The following FADS2 variants were observed in gnomAD, a reference collection of about 807,000 sequenced individuals.
The protein encoded by FADS2 is fatty acid desaturase 2.
FADS2 carries 18 observed loss-of-function variants against 61.2 expected under a neutral mutation model. The observed-to-expected ratio is 0.29, with a 90% confidence interval of 0.20 to 0.44. The LOEUF (loss-of-function observed/expected upper bound fraction) is 0.44. Ranked by LOEUF, FADS2 falls within the 20% of genes least tolerant of loss-of-function variation. FADS2 has a pLI of 1.00. For synonymous variants in FADS2, 203 were observed against 223.9 expected (o/e 0.91, Z 0.83); for missense variants, 322 against 572.7 (o/e 0.56, Z 4.47).
chr11:61,842,988 T>C (rs1326538222), intron 4 of FADS2, among the ~76,000 whole-genome samples: 1 of 152,226 alleles, frequency 6.6e-6, no homozygotes, highest in Non-Finnish European at 1.5e-5. Context: ...GCACTGCTAA[T>C]GGGATTTAAT....
intron 1 of FADS2, among the ~76,000 whole-genome samples, chr11:61,819,329 A>C (rs2067016026): frequency 6.6e-6 from 1 of 152,250 alleles, no homozygotes; most frequent in Non-Finnish European, 1.5e-5. Flanking sequence ...TAATCCTAGC[A>C]CTTTGGGAGG....
intron 5 of FADS2, among the ~76,000 whole-genome samples, chr11:61,853,728 CT>C (rs1470241810): frequency 1.3e-5 from 2 of 152,142 alleles, no homozygotes; most frequent in Non-Finnish European, 2.9e-5. Context: ...TCTCGGGGAC[CT>C]TGGACTGGGA....
chr11:61,863,359 G>A lies in FADS2; in HGVS notation c.1058G>A (p.Arg353His), dbSNP rs768828472. 2 of 1,613,386 alleles carry A rather than the reference G, an allele frequency of 1.2e-6. No homozygotes were observed. The highest frequency in any genetic ancestry group is 1.1e-5 in the South Asian group (1 of 91,074). ...IVMEIDQEAYRDWFSSQLTAT... is the reference protein window; with the variant it reads ...IVMEIDQEAYHDWFSSQLTAT... ...ATGGAGATTGACCAGGAGGCCTACC[G>A]TGACTGGTTCAGTAGCCAGGTAGGG... The change falls in exon 9 of 12, where the codon CGT becomes CAT. Residue 353 changes from arginine to histidine, a missense_variant. Arg to His is a conservative substitution (Grantham distance 29). Around this residue, in one of 3 missense-constraint regions of FADS2, gnomAD observed 221 missense variants for 427.9 expected, o/e 0.52. Coordinates refer to ENST00000278840, the MANE Select transcript of FADS2 (RefSeq NM_004265.4).
upstream of FADS2, chr11:61,826,483 T>C (rs2067087492): frequency 1.6e-6 from 1 of 629,738 alleles, no homozygotes; most frequent in South Asian, 1.8e-5. Flanking sequence ...TTTACAAATG[T>C]TCATTAAAGT....
chr11:61,857,438 T>C lies in FADS2; in HGVS notation c.806-16T>C, dbSNP rs755306558. On this transcript the variant is annotated splice_polypyrimidine_tract_variant and intron_variant, in intron 6 of 11. Coordinates refer to ENST00000278840, the MANE Select transcript of FADS2 (RefSeq NM_004265.4). Reference sequence around the variant, plus strand: ...GGTGGAATGGATGCCTCTAAGCGCCTGTCTCTCTCCTGCAGTTGGGCCGCC... The same window carrying C: ...GGTGGAATGGATGCCTCTAAGCGCCCGTCTCTCTCCTGCAGTTGGGCCGCC... 4 of 1,612,440 alleles carry C rather than the reference T, an allele frequency of 2.5e-6. No homozygotes were observed. The highest frequency in any genetic ancestry group is 2.2e-5 in the East Asian group (1 of 44,876).
intron 2 of FADS2, among the ~76,000 whole-genome samples, 195 bp from the exon 3 acceptor site, chr11:61,840,139 G>A (rs2067206291): frequency 6.6e-6 from 1 of 152,224 alleles, no homozygotes; most frequent in South Asian, 2.1e-4. Flanking sequence ...AAATATACAG[G>A]CCCCAGGGCT....
At chr11:61,817,287 C>T (rs1202946887) in intron 1 of FADS2, 3 of 239,444 alleles carry the variant, frequency 1.3e-5, no homozygotes, top group African/African-American at 4.5e-5. Flanking sequence ...GATGCCTTGG[C>T]CGGGGTCTCC....
intron 1 of FADS2, among the ~76,000 whole-genome samples, chr11:61,835,801 AT>A (rs1288791838): frequency 6.6e-6 from 1 of 152,100 alleles, no homozygotes; most frequent in Non-Finnish European, 1.5e-5. Flanking sequence ...ATTTTGCCAC[AT>A]TTGCGTTTTT....
Position 61,859,553 on chromosome 11 carries a change from C to G in FADS2, c.882+2023C>G, listed in dbSNP as rs187598088. 3.7e-3 allele frequency among the ~76,000 whole-genome samples: 562 copies of G among 152,340 alleles called. 2 individuals carry two copies. The highest frequency in any genetic ancestry group is 0.013 in the African/African-American group (543 of 41,562). On this transcript the variant is annotated intron_variant, in intron 7 of 11. Transcript: ENST00000278840. ...CTCTCCTCTTCTCCCACAACCTAAT[C>G]CTGATGGTCTCCATGTTAATGAATG...
intron 1 of FADS2, among the ~76,000 whole-genome samples, chr11:61,836,073 G>C (rs750261343): frequency 2.0e-5 from 3 of 152,144 alleles, no homozygotes; most frequent in Non-Finnish European, 4.4e-5. Context: ...TCACATTAAA[G>C]AATTGCAGGA....
chr11:61,865,383 C>T lies in FADS2; in HGVS notation c.1283+106C>T, dbSNP rs2067459613. The T allele has an allele frequency of 1.4e-6, 2 of 1,390,148 alleles. No individual in the cohort carries two copies. Among genetic ancestry groups the T allele is most frequent in the Non-Finnish European group, 9.8e-7 (1 of 1,023,340 alleles). 86.1% of individuals were successfully genotyped at this position (1,390,148 alleles called of 1,614,324 possible). A position where few individuals can be genotyped will look rare whatever the true frequency, so the allele number is the denominator to read the frequency against. ...CTCCTGGCACAGTCACCCACCAGGG[C>T]ACCTGCCTTACTCCCGAGCCTGTGT... On this transcript the variant is annotated intron_variant, in intron 11 of 11. Transcript: ENST00000278840. The surrounding 1 kb of genome is among the most constrained non-coding windows in gnomAD (Gnocchi z 4.1).
rs747146808 is a variant in FADS2, at chr11:61,865,164, C to A, written c.1170C>A (p.Thr390=). The change falls in exon 11 of 12, where the codon ACC becomes ACA. Residue 390 remains threonine (T), a synonymous_variant. Transcript: ENST00000278840. This position sits in a 1 kb window ranked among gnomAD's most constrained non-coding sequence, Gnocchi z 4.1. ...NFQIEHHLFP[T]MPRHNLHKIA... ...ACACACTCCTCAGCCTCTTCCCCAC[C>A]ATGCCCCGGCACAACTTACACAAGA... The A allele has an allele frequency of 6.2e-7, 1 of 1,613,600 alleles. No individual in the cohort carries two copies. Among genetic ancestry groups the A allele is most frequent in the South Asian group, 1.1e-5 (1 of 91,076 alleles).
chr11:61,818,674 C>T (rs2067009792), intron 1 of FADS2, among the ~76,000 whole-genome samples: 1 of 152,136 alleles, frequency 6.6e-6, no homozygotes, highest in African/African-American at 2.4e-5. Flanking sequence ...GTGAAATAAG[C>T]AGAACCCAAA....
In FADS2 at chr11:61,828,982, C is replaced by T. The variant is rs1004040751; in HGVS notation, c.207+385C>T. Among the ~76,000 whole-genome samples, 4 of 152,228 alleles carry T rather than the reference C, an allele frequency of 2.6e-5. No homozygotes were observed. The highest frequency in any genetic ancestry group is 7.2e-5 in the African/African-American group (3 of 41,464). On this transcript the variant is annotated intron_variant, in intron 1 of 11. Coordinates refer to ENST00000278840, the MANE Select transcript of FADS2 (RefSeq NM_004265.4). This position sits in a 1 kb window ranked among gnomAD's most constrained non-coding sequence, Gnocchi z 6.4. ...CCCCCAGCGGGGAAGATGGCCGCCC[C>T]TGCGCGCCGCTGAAAGGAGCGGGAG...
chr11:61,821,503 TC>T (rs752827522), intron 1 of FADS2: 49 of 693,048 alleles, frequency 7.1e-5, no homozygotes, highest in Non-Finnish European at 1.2e-4. Flanking sequence ...TAACAAAAGA[TC>T]CTAAACATAA....
At chr11:61,853,027 C>T (rs1214785391) in intron 5 of FADS2, among the ~76,000 whole-genome samples, 3 of 152,060 alleles carry the variant, frequency 2.0e-5, no homozygotes, top group Admixed American at 1.3e-4. Flanking sequence ...TGGTGGCACA[C>T]GCCTGTAGTC....
At chr11:61,857,422 G>A (rs1410355452) in intron 6 of FADS2, 32 bp from the exon 7 acceptor site, 1 of 1,600,010 alleles carries the variant, frequency 6.2e-7, no homozygotes, top group Admixed American at 1.7e-5. Context: ...GGGTGGAATG[G>A]ATGCCTCTAA....
Position 61,816,579 on chromosome 11 carries a change from G to A in FADS2, c.141+153G>A. On this transcript the variant is annotated intron_variant, in intron 1 of 11. Transcript: ENST00000257261. This position sits in a 1 kb window ranked among gnomAD's most constrained non-coding sequence, Gnocchi z 7.0. ...CCGTGGCATCCTGCCCGGCGTAGTG[G>A]CTGATGACCCGGGAGCCCCCTGGAT... 1.2e-6 allele frequency: 2 copies of A among 1,609,038 alleles called. No homozygotes were observed. The highest frequency in any genetic ancestry group is 1.7e-6 in the Non-Finnish European group (2 of 1,178,460).
At chr11:61,816,222 CT>C, upstream of FADS2, 1 of 1,587,316 alleles carries the variant, frequency 6.3e-7, no homozygotes, top group South Asian at 1.1e-5. The surrounding 1 kb of genome is among the most constrained non-coding windows in gnomAD (Gnocchi z 7.0). Flanking sequence ...CTCCTCCCTC[CT>C]AGCCTACCCA....
Sources: gnomAD v4.1 joint callset for allele counts (sites outside exome capture counted in the v4.1 genomes callset) on GRCh38, gnomAD v4.1.1 for gene constraint, gnomAD v4.1.1 regional missense constraint, Gnocchi (gnomAD v3.1) non-coding constraint, MANE v1.5 for transcripts, NCBI Gene and HGNC (gene_info 2026-07-23, HGNC 2026-07-21) for gene names.